The following FOXP1 variants were observed in gnomAD, a reference collection of about 807,000 sequenced individuals.
FOXP1 encodes the protein forkhead box protein P1.
FOXP1 carries 15 observed loss-of-function variants against 98.2 expected under a neutral mutation model. The ratio of observed to expected loss-of-function variants is 0.15; its 90% confidence interval spans 0.10 to 0.24. The LOEUF is 0.24. FOXP1 is among the 10% of genes least tolerant of loss of function. FOXP1 has a pLI of 1.00. For missense variants in FOXP1, 633 were observed against 848.5 expected (o/e 0.75, Z 3.15); for synonymous variants, 371 against 314.5 (o/e 1.18, Z -1.90).
At chr3:71,390,281 A>T (rs2080933939) in intron 3 of FOXP1, among the ~76,000 whole-genome samples, 1 of 152,164 alleles carries the variant, frequency 6.6e-6, no homozygotes, top group Non-Finnish European at 1.5e-5. Context: ...ACTTTTCAGA[A>T]AAAGAAAAAA....
chr3:71,226,456 C>T (rs2065842378), intron 5 of FOXP1, among the ~76,000 whole-genome samples: 1 of 106,884 alleles, frequency 9.4e-6, no homozygotes, highest in South Asian at 2.9e-4. Flanking sequence ...ACCCGGCAGC[C>T]ATCCTGAAAA....
At chr3:71,226,449 CG>C (rs1252438978) in intron 5 of FOXP1, among the ~76,000 whole-genome samples, 1 of 106,850 alleles carries the variant, frequency 9.4e-6, no homozygotes, top group Non-Finnish European at 2.5e-5. Flanking sequence ...CAACTCCACC[CG>C]GCAGCCATCC....
chr3:71,036,217 G>A (rs1450051385), intron 11 of FOXP1, among the ~76,000 whole-genome samples: 1 of 151,598 alleles, frequency 6.6e-6, no homozygotes, highest in African/African-American at 2.4e-5. Flanking sequence ...GTGGAGTGGA[G>A]AAAATGCAAG....
intron 3 of FOXP1, among the ~76,000 whole-genome samples, chr3:71,389,442 A>AG (rs1400355347): frequency 2.0e-5 from 3 of 152,168 alleles, no homozygotes; most frequent in Non-Finnish European, 2.9e-5. Flanking sequence ...GTGCTGTTGC[A>AG]GTAAGGGTTA....
intron 5 of FOXP1, chr3:71,245,361 G>A (rs1240129659): frequency 6.7e-6 from 1 of 148,950 alleles, no homozygotes; most frequent in Non-Finnish European, 1.5e-5. Flanking sequence ...TACTAATTTT[G>A]TTTCCTAGTT....
intron 7 of FOXP1, among the ~76,000 whole-genome samples, chr3:71,071,502 A>G (rs975798191): frequency 6.6e-6 from 1 of 152,208 alleles, no homozygotes; most frequent in Admixed American, 6.5e-5. Flanking sequence ...GATTGTGGGC[A>G]AGTCACGTCA....
intron 3 of FOXP1, among the ~76,000 whole-genome samples, chr3:71,470,285 CAT>C (rs1335903821): frequency 6.6e-6 from 1 of 152,130 alleles, no homozygotes; most frequent in African/African-American, 2.4e-5. Context: ...GTATCTACCA[CAT>C]AGAGTTGTTA....
intron 5 of FOXP1, among the ~76,000 whole-genome samples, chr3:71,215,710 A>G (rs941389186): frequency 6.6e-6 from 1 of 152,204 alleles, no homozygotes; most frequent in African/African-American, 2.4e-5. Context: ...TGAGGACTAT[A>G]ACATCAATAA....
At position 70,959,121 on chromosome 3, in the gene FOXP1, C is replaced by CA; in HGVS notation, c.*125dup. The CA allele has an allele frequency of 2.7e-6, 3 of 1,114,820 alleles. No homozygotes were observed. The South Asian group carries it at 4.0e-5, about 15-fold the overall frequency. The allele number at this position is 1,114,820 out of a possible 1,614,324, so 69.1% of individuals were successfully genotyped here. A position where few individuals can be genotyped will look rare whatever the true frequency, so the allele number is the denominator to read the frequency against. On this transcript the variant is annotated 3_prime_UTR_variant, in exon 21 of 21. Coordinates refer to ENST00000649528, the MANE Select transcript of FOXP1 (RefSeq NM_001349338.3). Reference sequence around the variant, plus strand: ...AAGAGTTAACACATTTCAGAGTTGTCAAAACGTAGTGAAAATCCTCCAGAC... The same window carrying CA: ...AAGAGTTAACACATTTCAGAGTTGTCAAAAACGTAGTGAAAATCCTCCAGAC...
intron 3 of FOXP1, among the ~76,000 whole-genome samples, chr3:71,407,111 CT>C (rs1440842604): frequency 6.6e-6 from 1 of 152,162 alleles, no homozygotes; most frequent in Admixed American, 6.5e-5. Flanking sequence ...CAACTCCACT[CT>C]GTTTCTTGCA....
chr3:71,039,345 A>G (rs952982314), intron 11 of FOXP1, among the ~76,000 whole-genome samples: 1 of 152,206 alleles, frequency 6.6e-6, no homozygotes, highest in Non-Finnish European at 1.5e-5. Flanking sequence ...AAACAAACTT[A>G]GTCTCCCAGA....
intron 7 of FOXP1, among the ~76,000 whole-genome samples, chr3:71,100,963 T>C (rs1409953155): frequency 1.3e-5 from 2 of 151,894 alleles, no homozygotes; most frequent in Non-Finnish European, 2.9e-5. Context: ...GGATAGGAGG[T>C]GAGCGATGCA....
At chr3:71,337,393 C>T (rs1025521833) in intron 4 of FOXP1, among the ~76,000 whole-genome samples, 3 of 152,192 alleles carry the variant, frequency 2.0e-5, no homozygotes, top group African/African-American at 7.2e-5. Flanking sequence ...GCTCAGTAGA[C>T]AATGGCTACC....
intron 5 of FOXP1, among the ~76,000 whole-genome samples, chr3:71,211,785 A>G (rs2064488012): frequency 6.6e-6 from 1 of 152,212 alleles, no homozygotes; most frequent in Non-Finnish European, 1.5e-5. Flanking sequence ...CACCGGAGCT[A>G]GTTTCCCAAG....
intron 18 of FOXP1, chr3:70,971,912 A>G: frequency 5.5e-6 from 5 of 910,490 alleles, no homozygotes; most frequent in Non-Finnish European, 7.5e-6. Context: ...AAGCTGTGGC[A>G]CTGCTATTGG....
chr3:70,977,493 T>C (rs1421059954), intron 16 of FOXP1, 150 bp downstream of exon 16: 2 of 658,748 alleles, frequency 3.0e-6, no homozygotes, highest in East Asian at 5.4e-5. Context: ...TCAAAAGCAA[T>C]TATGTTATAT....
At chr3:71,297,269 G>T (rs1441132887) in intron 5 of FOXP1, among the ~76,000 whole-genome samples, 1 of 151,816 alleles carries the variant, frequency 6.6e-6, no homozygotes, top group African/African-American at 2.4e-5. Flanking sequence ...CATTTTTTTT[G>T]TAATATAGAC....
chr3:71,523,615 T>C (rs1196868312), intron 2 of FOXP1, among the ~76,000 whole-genome samples: 2 of 152,202 alleles, frequency 1.3e-5, no homozygotes, highest in African/African-American at 4.8e-5. Flanking sequence ...TTAGGGGGCA[T>C]TCTAAATTCA....
At chr3:71,309,173 T>A (rs1411984620) in intron 4 of FOXP1, among the ~76,000 whole-genome samples, 1 of 152,224 alleles carries the variant, frequency 6.6e-6, no homozygotes, top group Non-Finnish European at 1.5e-5. Context: ...CTGTTCCATG[T>A]GTCTGTCTCC....
Sources: gnomAD v4.1 joint callset for allele counts (sites outside exome capture counted in the v4.1 genomes callset) on GRCh38, gnomAD v4.1.1 for gene constraint, MANE v1.5 for transcripts, NCBI Gene and HGNC (gene_info 2026-07-23, HGNC 2026-07-21) for gene names.